RNF122: variants seen among roughly 807,000 people sequenced by gnomAD.
RNF122 encodes the protein ring finger protein 122.
A neutral mutation model predicts 24.2 loss-of-function variants in RNF122; 17 were observed. The ratio of observed to expected loss-of-function variants is 0.70; its 90% CI spans 0.48 to 1.06. The LOEUF (loss-of-function observed/expected upper bound fraction) is 1.06, where lower values mean the gene tolerates loss of function less well. Ranked by LOEUF, RNF122 falls within the 50% of genes least tolerant of loss-of-function variation. The probability of loss-of-function intolerance (pLI) is 0.00; values close to 1 mark genes in which losing one functional copy is unlikely to be tolerated. For missense variants in RNF122, 168 were observed against 198.1 expected, an observed-to-expected ratio of 0.85 and a Z score of 0.91; for synonymous variants, 65 against 71.8, an observed-to-expected ratio of 0.91 and a Z score of 0.48.
At position 33,567,017 on chromosome 8, in the gene RNF122, G is replaced by A; in HGVS notation, c.-294C>T. The A allele has an allele frequency of 2.1e-6, 1 of 476,786 alleles. No individual in the cohort carries two copies. Among genetic ancestry groups the A allele is most frequent in the Non-Finnish European group, 3.8e-6 (1 of 264,746 alleles). The allele number at this position is 476,786 out of a possible 1,614,324, so 29.5% of individuals were successfully genotyped here. A position where few individuals can be genotyped will look rare whatever the true frequency, so the allele number is the denominator to read the frequency against. ...GGAATGTGGGGCGCCGCGGGGCGGG[G>A]GTGCCCGGGCTGCAGAAGCCCTCGG... On this transcript the variant is annotated 5_prime_UTR_variant, in exon 1 of 6. Transcript: ENST00000256257.
Position 33,553,570 on chromosome 8 carries a change from A to G in RNF122, c.183-2181T>C, listed in dbSNP as rs78552625. Among the ~76,000 whole-genome samples the G allele has an allele frequency of 9.9e-3, 1,514 of 152,278 alleles. 25 individuals carry two copies. The highest frequency in any genetic ancestry group is 0.035 in the African/African-American group (1,458 of 41,528). ...TGAACAACTGAGTGAGACTCTGGCA[A>G]AAAAATTTTTTTTAAATAAATAATT... On this transcript the variant is annotated intron_variant, in intron 2 of 5. Transcript: ENST00000256257.
At chr8:33,558,031 T>A (rs1810481851) in intron 2 of RNF122, among the ~76,000 whole-genome samples, 1 of 152,052 alleles carries the variant, frequency 6.6e-6, no homozygotes, top group Non-Finnish European at 1.5e-5. Context: ...TAATCCCAGC[T>A]ACTTGGGAGA....
At chr8:33,560,304 T>G (rs1241789086) in intron 1 of RNF122, among the ~76,000 whole-genome samples, 2 of 152,146 alleles carry the variant, frequency 1.3e-5, no homozygotes, top group Non-Finnish European at 2.9e-5. Context: ...CTTGCCAGTA[T>G]TTGGTGTTCA....
In RNF122 at chr8:33,567,065, T is replaced by C. The variant is rs1810639211; in HGVS notation, c.-342A>G. On this transcript the variant is annotated 5_prime_UTR_variant, in exon 1 of 6. Transcript: ENST00000256257. ...CGGCCGGGGGAGGAGGGAAAAACCT[T>C]TGCCGGAGGCTCGGATCGGGTTCAG... 1 of 363,090 alleles carries C rather than the reference T, an allele frequency of 2.8e-6. No homozygotes were observed. Among genetic ancestry groups the C allele is most frequent in the Non-Finnish European group, 5.1e-6 (1 of 194,204 alleles). The allele number at this position is 363,090 out of a possible 1,614,324, so 22.5% of individuals were successfully genotyped here. A position where few individuals can be genotyped will look rare whatever the true frequency, so the allele number is the denominator to read the frequency against.
chr8:33,555,620 C>T (rs1231470099), intron 2 of RNF122, among the ~76,000 whole-genome samples: 2 of 152,200 alleles, frequency 1.3e-5, no homozygotes, highest in Non-Finnish European at 2.9e-5. Flanking sequence ...GAGCCTATAG[C>T]GGCTCCTCTA....
At position 33,548,428 on chromosome 8, in the gene RNF122, T is replaced by C. The variant is rs1265789629; in HGVS notation, c.*325A>G. On this transcript the variant is annotated 3_prime_UTR_variant, in exon 6 of 6. Coordinates refer to ENST00000256257, the MANE Select transcript of RNF122 (RefSeq NM_024787.3). ...CCTAATGGGAGCCTTGAAAGAGGAC[T>C]TTCTCCATGTTCTTGATCGGGGTGG... is the stretch of plus-strand genomic sequence containing the variant. The C allele has an allele frequency of 9.4e-6, 2 of 213,202 alleles. No individual in the cohort carries two copies. The highest frequency in any genetic ancestry group is 1.9e-5 in the Non-Finnish European group (2 of 106,110). The allele number at this position is 213,202 out of a possible 1,614,324, so 13.2% of individuals were successfully genotyped here.
At chr8:33,553,874 G>C (rs1386244833) in intron 2 of RNF122, among the ~76,000 whole-genome samples, 1 of 152,226 alleles carries the variant, frequency 6.6e-6, no homozygotes, top group Non-Finnish European at 1.5e-5. Context: ...TCCAGTCCAA[G>C]TGGACTCATG....
intron 2 of RNF122, among the ~76,000 whole-genome samples, chr8:33,556,179 C>CAAAAAAAAAAAA (rs538829399): frequency 2.6e-4 from 9 of 33,994 alleles, no homozygotes; most frequent in African/African-American, 9.2e-4. Context: ...GACCCTGTCT[C>CAAAAAAAAAAAA]AAAAAAAAAA....
At chr8:33,553,338 T>G (rs909202814) in intron 2 of RNF122, among the ~76,000 whole-genome samples, 1 of 151,540 alleles carries the variant, frequency 6.6e-6, no homozygotes, top group African/African-American at 2.4e-5. Flanking sequence ...TCAGGTGGAT[T>G]GCTTGAGGCC....
intron 1 of RNF122, among the ~76,000 whole-genome samples, chr8:33,563,181 C>G (rs183443679): frequency 1.3e-5 from 2 of 151,462 alleles, no homozygotes; most frequent in Non-Finnish European, 2.9e-5. Context: ...TTTGTATATT[C>G]TCCAGTGTCC....
At position 33,549,380 on chromosome 8, in the gene RNF122, G is replaced by A. The variant is rs200610355; in HGVS notation, c.353+30C>T. 29 of 1,578,628 alleles carry A rather than the reference G, an allele frequency of 1.8e-5. No homozygotes were observed. In the East Asian group the frequency reaches 5.6e-4, roughly 30 times the overall value. On this transcript the variant is annotated intron_variant, in intron 5 of 5. Coordinates refer to ENST00000256257, the MANE Select transcript of RNF122 (RefSeq NM_024787.3). ...GATGCTCCCTGATTATTTCTCCTTC[G>A]ACGGGCACCCTGGACACATTCCCAC...
chr8:33,551,974 G>A (rs1174029532), intron 2 of RNF122, among the ~76,000 whole-genome samples: 1 of 152,148 alleles, frequency 6.6e-6, no homozygotes, highest in Non-Finnish European at 1.5e-5. Context: ...CCAAAACATG[G>A]CATGCCGTTA....
rs780161117 is a variant in RNF122, at chr8:33,558,610, C to G, written c.182+5G>C. The G allele has an allele frequency of 1.3e-6, 2 of 1,598,946 alleles. No homozygotes were observed. The highest frequency in any genetic ancestry group is 2.2e-5 in the East Asian group (1 of 44,750). Reference sequence around the variant, plus strand: ...CCCACCCCGGTCAGCCAGGGATCCACGCACCTGATAAAATAGCAGCAGAAG... The same window carrying G: ...CCCACCCCGGTCAGCCAGGGATCCAGGCACCTGATAAAATAGCAGCAGAAG... On this transcript the variant is annotated splice_donor_5th_base_variant and intron_variant, in intron 2 of 5. Transcript: ENST00000256257.
chr8:33,558,437 A>T (rs1454555636), intron 2 of RNF122, among the ~76,000 whole-genome samples, 178 bp downstream of exon 2: 3 of 152,160 alleles, frequency 2.0e-5, no homozygotes, highest in Non-Finnish European at 4.4e-5. Context: ...GCTAATGTAA[A>T]TAGAAACACC....
intron 2 of RNF122, among the ~76,000 whole-genome samples, chr8:33,555,038 AC>A (rs1170122054): frequency 4.6e-5 from 7 of 152,148 alleles, no homozygotes; most frequent in African/African-American, 1.4e-4. Flanking sequence ...GGCCTCTGAG[AC>A]TGTGAAACTC....
chr8:33,555,903 C>T (rs1230780353), intron 2 of RNF122, among the ~76,000 whole-genome samples: 1 of 152,186 alleles, frequency 6.6e-6, no homozygotes, highest in African/African-American at 2.4e-5. Context: ...CACGGTGGCT[C>T]ATGCCTGTAA....
intron 4 of RNF122, among the ~76,000 whole-genome samples, chr8:33,550,565 G>A (rs955568416): frequency 1.3e-5 from 2 of 151,438 alleles, no homozygotes; most frequent in African/African-American, 4.8e-5. Flanking sequence ...CAAGGAACTG[G>A]TGTATGGGTG....
In RNF122 at chr8:33,548,465, C is replaced by A; in HGVS notation, c.*288G>T. On this transcript the variant is annotated 3_prime_UTR_variant, in exon 6 of 6. Coordinates refer to ENST00000256257, the MANE Select transcript of RNF122 (RefSeq NM_024787.3). ...CTTGATCGGGGTGGACACCTTCCCC[C>A]AGAACAGGGACAAGGCAGGTAGATA... 1 of 290,736 alleles carries A rather than the reference C, an allele frequency of 3.4e-6. No homozygotes were observed. Among genetic ancestry groups the A allele is most frequent in the Non-Finnish European group, 6.5e-6 (1 of 154,048 alleles). The allele number at this position is 290,736 out of a possible 1,614,324, so 18.0% of individuals were successfully genotyped here. A position where few individuals can be genotyped will look rare whatever the true frequency, so the allele number is the denominator to read the frequency against.
intron 1 of RNF122, among the ~76,000 whole-genome samples, chr8:33,562,471 G>A (rs111501983): frequency 1.3e-5 from 2 of 151,244 alleles, no homozygotes; most frequent in South Asian, 2.1e-4. Flanking sequence ...GAGTCTGAGA[G>A]GTCGAGGCTG....
Sources: allele counts gnomAD v4.1 joint callset (sites outside exome capture counted in the v4.1 genomes callset), GRCh38; gene constraint gnomAD v4.1.1; transcripts MANE v1.5; gene names NCBI Gene and HGNC (gene_info 2026-07-23, HGNC 2026-07-21).